The following CHAT variants were observed in gnomAD, a reference collection of about 807,000 sequenced individuals.
The protein encoded by CHAT is acetyl CoA:choline O-acetyltransferase.
A neutral mutation model predicts 76.9 loss-of-function variants in CHAT; 61 were observed. That is an observed-to-expected ratio of 0.79 (90% CI 0.65 to 0.98). The LOEUF is 0.98. Among genes scored for constraint, CHAT ranks in the 50% least tolerant of loss-of-function variants. The pLI is 0.00. For synonymous variants in CHAT, 407 were observed against 397.4 expected, an observed-to-expected ratio of 1.02 and a Z score of -0.29; for missense variants, 946 against 986.9, an observed-to-expected ratio of 0.96 and a Z score of 0.56.
chr10:49,614,131 C>T lies in CHAT; in HGVS notation c.-59C>T. 1.9e-6 allele frequency: 3 copies of T among 1,545,002 alleles called. No homozygotes were observed. Among genetic ancestry groups the T allele is most frequent in the Non-Finnish European group, 2.6e-6 (3 of 1,146,294 alleles). ...GTTGCCCGAGTTCCTCCGGGAAGCG[C>T]TCCGGGTAGATTCTGGGGGCCGGGA... On this transcript the variant is annotated 5_prime_UTR_variant, in exon 1 of 15. Transcript: ENST00000337653.
chr10:49,609,960 C>T (rs1424334854), upstream of CHAT, among the ~76,000 whole-genome samples: 4 of 152,066 alleles, frequency 2.6e-5, no homozygotes, highest in Non-Finnish European at 5.9e-5. Context: ...AACCGGCTGC[C>T]GCGCCCCCTT....
chr10:49,627,501 C>A, intron 6 of CHAT, 107 bp from the exon 7 acceptor site: 1 of 1,163,458 alleles, frequency 8.6e-7, no homozygotes, highest in Non-Finnish European at 1.3e-6. Flanking sequence ...ACCTTGGGAA[C>A]CTTGGGCCTG....
chr10:49,614,613 G>A lies in CHAT; in HGVS notation c.286+138G>A, dbSNP rs778370381. 3 of 760,158 alleles carry A rather than the reference G, an allele frequency of 3.9e-6. No individual in the cohort carries two copies. The African/African-American group carries it at 5.3e-5, about 14-fold the overall frequency. The allele number at this position is 760,158 out of a possible 1,614,324, so 47.1% of individuals were successfully genotyped here. On this transcript the variant is annotated intron_variant, in intron 1 of 14. Coordinates refer to ENST00000337653, the MANE Select transcript of CHAT (RefSeq NM_020549.5). ...AGTCCTCTGAGTCCTGCGCAGCAGC[G>A]GCCGTCGGGGGTCAGCTAGGAAGCT...
chr10:49,616,408 G>T, intron 1 of CHAT, 94 bp from the exon 2 acceptor site: 2 of 980,708 alleles, frequency 2.0e-6, no homozygotes, highest in Non-Finnish European at 3.2e-6. Context: ...GCCTCCTCAT[G>T]GGGCTGGGGT....
chr10:49,612,078 G>C (rs1284406222), upstream of CHAT: 4 of 1,613,560 alleles, frequency 2.5e-6, no homozygotes, highest in South Asian at 4.4e-5. Context: ...TGCACTCGCT[G>C]GGCTTTGAGC....
chr10:49,610,823 C>G, upstream of CHAT: 2 of 1,606,190 alleles, frequency 1.2e-6, no homozygotes, highest in Non-Finnish European at 1.7e-6. Context: ...CTGCAGGAGC[C>G]CCGGCGGCAG....
At chr10:49,663,335 G>A (rs533348061) in intron 14 of CHAT, among the ~76,000 whole-genome samples, 13 of 152,268 alleles carry the variant, frequency 8.5e-5, no homozygotes, top group African/African-American at 2.6e-4. Context: ...ACCCATTCTG[G>A]TGCCCTAACC....
upstream of CHAT, chr10:49,611,268 CA>C: frequency 6.2e-7 from 1 of 1,612,154 alleles, no homozygotes; most frequent in Non-Finnish European, 8.5e-7. Context: ...AGGACTACGC[CA>C]CGCTGTTCGC....
At chr10:49,612,443 T>A, upstream of CHAT, 1 of 1,140,874 alleles carries the variant, frequency 8.8e-7, no homozygotes, top group South Asian at 1.5e-5. Flanking sequence ...CTCCAGCGAG[T>A]ACCCCAGCCA....
intron 10 of CHAT, among the ~76,000 whole-genome samples, chr10:49,651,314 G>A (rs2132817995): frequency 6.6e-6 from 1 of 151,930 alleles, no homozygotes; most frequent in Middle Eastern, 3.4e-3. Context: ...AGGAGAGGCA[G>A]GCAGGGAGCA....
At chr10:49,648,721 T>C in intron 9 of CHAT, 114 bp downstream of exon 9, 1 of 631,546 alleles carries the variant, frequency 1.6e-6, no homozygotes, top group Non-Finnish European at 2.7e-6. Context: ...AAAAAATGTG[T>C]ACTATACACA....
intron 1 of CHAT, among the ~76,000 whole-genome samples, chr10:49,615,546 T>C (rs1211864720): frequency 6.6e-6 from 1 of 151,990 alleles, no homozygotes; most frequent in Non-Finnish European, 1.5e-5. Context: ...GTAGGGGTGG[T>C]GTTGGGTGGG....
chr10:49,662,411 T>C (rs2132851669), intron 13 of CHAT, among the ~76,000 whole-genome samples: 1 of 152,362 alleles, frequency 6.6e-6, no homozygotes, highest in Non-Finnish European at 1.5e-5. Flanking sequence ...GAACCCAACC[T>C]GCTCTGGACT....
chr10:49,628,241 T>C (rs996392753), intron 7 of CHAT, among the ~76,000 whole-genome samples: 5 of 152,142 alleles, frequency 3.3e-5, no homozygotes, highest in African/African-American at 4.8e-5. Context: ...AGCTGTCCCT[T>C]ATCTTGTGGC....
Position 49,625,588 on chromosome 10 carries a change from C to T in CHAT, c.868C>T (p.Leu290=), listed in dbSNP as rs752229226. 2 of 1,608,804 alleles carry T rather than the reference C, an allele frequency of 1.2e-6. No homozygotes were observed. The highest frequency in any genetic ancestry group is 2.2e-5 in the South Asian group (2 of 89,870). The part of the protein sequence containing the change: ...YRLPGHTQDT[L]VAQNSSIMPE... Reference sequence around the variant, plus strand: ...GCTCCCCGGCCATACCCAGGACACGCTGGTGGCTCAGAACAGCAGCATCAT... The same window carrying T: ...GCTCCCCGGCCATACCCAGGACACGTTGGTGGCTCAGAACAGCAGCATCAT... Residue 290 remains leucine, a synonymous_variant, in exon 6 of 15, where the codon CTG becomes TTG. Transcript: ENST00000337653.
chr10:49,644,298 G>C (rs1171284955), intron 7 of CHAT, among the ~76,000 whole-genome samples: 3 of 152,194 alleles, frequency 2.0e-5, no homozygotes, highest in African/African-American at 7.2e-5. Context: ...TCTAGGGTGG[G>C]AAGGAGGTGG....
chr10:49,625,402 C>A, intron 5 of CHAT, 71 bp from the exon 6 acceptor site: 1 of 1,448,414 alleles, frequency 6.9e-7, no homozygotes, highest in Non-Finnish European at 9.6e-7. Context: ...TACAATAAAA[C>A]CCATTCTCTG....
chr10:49,614,410 C>T lies in CHAT; in HGVS notation c.221C>T (p.Thr74Ile), dbSNP rs1268273103. Reference protein sequence around the residue: ...ATRPPPLPAHTPAHTPEWCGA... With the variant: ...ATRPPPLPAHIPAHTPEWCGA... Reference sequence around the variant, plus strand: ...CGCCCCCCACCCCTTCCGGCTCACACCCCCGCCCACACTCCTGAGTGGTGC... The same window carrying T: ...CGCCCCCCACCCCTTCCGGCTCACATCCCCGCCCACACTCCTGAGTGGTGC... Residue 74 changes from threonine (T) to isoleucine (I), a missense_variant, in exon 1 of 15, where the codon ACC (threonine) becomes ATC (isoleucine). By Grantham distance (89) the Thr-to-Ile change is moderately conservative. This residue lies in a region of CHAT where 548 missense variants were observed against 516.2 expected (regional missense o/e 1.06). Coordinates refer to ENST00000337653, the MANE Select transcript of CHAT (RefSeq NM_020549.5). 6 of 1,547,154 alleles carry T rather than the reference C, an allele frequency of 3.9e-6. No individual in the cohort carries two copies. Among genetic ancestry groups the T allele is most frequent in the Admixed American group, 2.0e-5 (1 of 50,984 alleles).
At chr10:49,650,699 A>G (rs1391179083) in intron 10 of CHAT, among the ~76,000 whole-genome samples, 2 of 152,048 alleles carry the variant, frequency 1.3e-5, no homozygotes, top group African/African-American at 2.4e-5. Context: ...GGGTATGGGG[A>G]CGCCCCTGAG....
Sources: gnomAD v4.1 joint callset for allele counts (sites outside exome capture counted in the v4.1 genomes callset) on GRCh38, gnomAD v4.1.1 for gene constraint, gnomAD v4.1.1 regional missense constraint, MANE v1.5 for transcripts, NCBI Gene and HGNC (gene_info 2026-07-23, HGNC 2026-07-21) for gene names.